ARHGAP24: variants seen among roughly 807,000 people sequenced by gnomAD.
The protein encoded by ARHGAP24 is rho GTPase-activating protein 24.
Under a neutral mutation model 76.4 loss-of-function variants are expected in ARHGAP24, and 50 were observed. The observed-to-expected ratio is 0.65, with a 90% CI of 0.52 to 0.83. The LOEUF is 0.83. Among genes scored for constraint, ARHGAP24 ranks in the 40% least tolerant of loss-of-function variants. ARHGAP24 has a pLI of 0.00. For missense variants in ARHGAP24, 930 were observed against 914.2 expected, an observed-to-expected ratio of 1.02 and a Z score of -0.22; for synonymous variants, 345 against 323.3, an observed-to-expected ratio of 1.07 and a Z score of -0.72.
chr4:85,841,520 A>T, intron 3 of ARHGAP24, among the ~76,000 whole-genome samples: 1 of 152,236 alleles, frequency 6.6e-6, no homozygotes, highest in East Asian at 1.9e-4. Flanking sequence ...AATAAGCCCA[A>T]TATGTGTATT....
chr4:85,920,439 C>G (rs1366114055), intron 3 of ARHGAP24, among the ~76,000 whole-genome samples: 1 of 152,084 alleles, frequency 6.6e-6, no homozygotes, highest in African/African-American at 2.4e-5. Flanking sequence ...GGAAGACAAC[C>G]TAGGCAATAC....
intron 2 of ARHGAP24, among the ~76,000 whole-genome samples, chr4:85,713,060 G>A (rs1724586391): frequency 6.6e-6 from 1 of 152,258 alleles, no homozygotes; most frequent in African/African-American, 2.4e-5. Flanking sequence ...CACGTGAAGA[G>A]TCTGAGATGG....
At chr4:85,992,269 A>C (rs1288260998) in intron 8 of ARHGAP24, 3 of 394,420 alleles carry the variant, frequency 7.6e-6, no homozygotes, top group Non-Finnish European at 1.3e-5. Flanking sequence ...AACTATAAAA[A>C]TTCTAAGAAA....
chr4:85,734,636 ATTTTTTTTTT>A (rs34647342), intron 3 of ARHGAP24, among the ~76,000 whole-genome samples: 2 of 101,966 alleles, frequency 2.0e-5, no homozygotes, highest in East Asian at 5.7e-4. Flanking sequence ...AATTCAGGGA[ATTTTTTTTTT>A]TTTTTTTTTT....
intron 4 of ARHGAP24, chr4:85,930,497 T>A (rs1289209258): frequency 1.0e-6 from 1 of 992,152 alleles, no homozygotes; most frequent in Non-Finnish European, 1.2e-6. Flanking sequence ...TTGTTCCTCT[T>A]TCCTCTTGCA....
At chr4:85,961,455 G>T (rs1738243383) in intron 5 of ARHGAP24, among the ~76,000 whole-genome samples, 1 of 151,944 alleles carries the variant, frequency 6.6e-6, no homozygotes, top group South Asian at 2.1e-4. Flanking sequence ...CTCATTTCTT[G>T]CATGAAGCAC....
In ARHGAP24 at chr4:85,795,925, T is replaced by G. The variant is rs28573880; in HGVS notation, c.268+73953T>G. ...CTCATTCACACATGTTAATATTGGA[T>G]AGTCTCTGGATCAATATAGGTGCAT... is the stretch of plus-strand genomic sequence containing the variant. On this transcript the variant is annotated intron_variant, in intron 3 of 9. Coordinates refer to ENST00000395184, the MANE Select transcript of ARHGAP24 (RefSeq NM_001025616.3). 5.3e-3 allele frequency among the ~76,000 whole-genome samples: 814 copies of G among 152,290 alleles called. 14 individuals are homozygous for G. Among genetic ancestry groups the G allele is most frequent in the African/African-American group, 0.019 (775 of 41,576 alleles).
At chr4:85,497,587 T>C (rs139067435) in intron 1 of ARHGAP24, among the ~76,000 whole-genome samples, 18 of 152,242 alleles carry the variant, frequency 1.2e-4, no homozygotes, top group African/African-American at 3.6e-4. Flanking sequence ...TTTGGGAGGC[T>C]GAGGCAGGTG....
rs999040828 is a variant in ARHGAP24 at position 85,751,433 on chromosome 4, A to T, written c.268+29461A>T. On this transcript the variant is annotated intron_variant, in intron 3 of 9. Transcript: ENST00000395184. Reference sequence around the variant, plus strand: ...TTATGAGTGTGTGTATTAAATTTATATATTAGGATGGCCATAAGAAATTCT... The same window carrying T: ...TTATGAGTGTGTGTATTAAATTTATTTATTAGGATGGCCATAAGAAATTCT... Among the ~76,000 whole-genome samples the T allele has an allele frequency of 7.2e-5, 11 of 152,204 alleles. No individual in the cohort carries two copies. The East Asian group carries it at 9.6e-4, about 13-fold the overall frequency.
chr4:85,777,942 A>T (rs563826915), intron 3 of ARHGAP24, among the ~76,000 whole-genome samples: 2 of 152,322 alleles, frequency 1.3e-5, no homozygotes, highest in East Asian at 3.9e-4. Context: ...TTTATTTAAC[A>T]AATTATACAA....
intron 8 of ARHGAP24, among the ~76,000 whole-genome samples, chr4:85,987,190 G>A (rs922215492): frequency 3.9e-5 from 6 of 152,022 alleles, no homozygotes; most frequent in African/African-American, 1.4e-4. Context: ...GGGAAACTGT[G>A]TTTAAAAAGG....
intron 3 of ARHGAP24, among the ~76,000 whole-genome samples, chr4:85,871,159 T>C (rs1449191893): frequency 1.3e-5 from 2 of 152,172 alleles, no homozygotes; most frequent in African/African-American, 4.8e-5. Flanking sequence ...ACCCCTACAA[T>C]TGTTTTACAT....
chr4:85,583,404 A>C (rs1249157666), intron 2 of ARHGAP24, among the ~76,000 whole-genome samples: 1 of 152,086 alleles, frequency 6.6e-6, no homozygotes. Context: ...ATGTTTTTTA[A>C]TAGATCAAGA....
At chr4:85,841,578 ATTTG>A (rs1260092131) in intron 3 of ARHGAP24, among the ~76,000 whole-genome samples, 1 of 152,234 alleles carries the variant, frequency 6.6e-6, no homozygotes, top group Non-Finnish European at 1.5e-5. Flanking sequence ...AGCTTTGCAC[ATTTG>A]TTTATTTATT....
chr4:85,965,135 T>C (rs1028335502), intron 5 of ARHGAP24, among the ~76,000 whole-genome samples: 2 of 151,942 alleles, frequency 1.3e-5, no homozygotes, highest in East Asian at 3.9e-4. Flanking sequence ...AAGAAAGAGG[T>C]TTCATGGAGA....
At chr4:85,936,090 T>C (rs1156525641) in intron 4 of ARHGAP24, among the ~76,000 whole-genome samples, 1 of 152,214 alleles carries the variant, frequency 6.6e-6, no homozygotes, top group Non-Finnish European at 1.5e-5. Context: ...TGAATGTTCA[T>C]TTTAATGGAA....
At chr4:85,823,983 A>G (rs1404208229) in intron 3 of ARHGAP24, among the ~76,000 whole-genome samples, 4 of 152,108 alleles carry the variant, frequency 2.6e-5, no homozygotes, top group African/African-American at 9.7e-5. Flanking sequence ...TAGAAAAGGC[A>G]TTAAGAAGTA....
At chr4:85,667,708 T>C (rs767071648) in intron 2 of ARHGAP24, among the ~76,000 whole-genome samples, 8 of 152,358 alleles carry the variant, frequency 5.3e-5, no homozygotes, top group Middle Eastern at 3.4e-3. Flanking sequence ...TACTGATCAG[T>C]AAGCTAAATG....
intron 3 of ARHGAP24, among the ~76,000 whole-genome samples, chr4:85,913,556 C>T (rs1275942662): frequency 2.0e-5 from 3 of 152,088 alleles, no homozygotes; most frequent in African/African-American, 7.2e-5. Context: ...AATATCATCT[C>T]ATTGGTGACT....
Sources: allele counts gnomAD v4.1 joint callset (sites outside exome capture counted in the v4.1 genomes callset), GRCh38; gene constraint gnomAD v4.1.1; transcripts MANE v1.5; gene names NCBI Gene and HGNC (gene_info 2026-07-23, HGNC 2026-07-21).